SSH2: variants seen among roughly 807,000 people sequenced by gnomAD.
SSH2 encodes the protein protein phosphatase Slingshot homolog 2.
A neutral mutation model predicts 135.2 loss-of-function variants in SSH2; 37 were observed. The observed-to-expected ratio is 0.27, with a 90% confidence interval of 0.21 to 0.36. The LOEUF (loss-of-function observed/expected upper bound fraction) is 0.36. Ranked by LOEUF, SSH2 falls within the 10% of genes least tolerant of loss-of-function variation. The probability of loss-of-function intolerance (pLI) is 1.00; values close to 1 mark genes in which losing one functional copy is unlikely to be tolerated. For missense variants in SSH2, 1,408 were observed against 1,765.3 expected, an observed-to-expected ratio of 0.80 and a Z score of 3.63; for synonymous variants, 628 against 646.2, an observed-to-expected ratio of 0.97 and a Z score of 0.43.
At chr17:29,791,247 G>A (rs1490230802) in intron 3 of SSH2, among the ~76,000 whole-genome samples, 2 of 151,642 alleles carry the variant, frequency 1.3e-5, no homozygotes, top group African/African-American at 4.8e-5. Flanking sequence ...ACCACACCCG[G>A]CTAATTTTTT....
At chr17:29,864,392 T>G (rs1487352455) in intron 1 of SSH2, among the ~76,000 whole-genome samples, 1 of 151,806 alleles carries the variant, frequency 6.6e-6, no homozygotes, top group Non-Finnish European at 1.5e-5. Flanking sequence ...ACACTCCAAA[T>G]TCATATAAAT....
chr17:29,631,114 A>G lies in SSH2; in HGVS notation c.4080T>C (p.Ile1360=). The part of the protein sequence containing the change: ...FVEQLTTTEC[I]VQSKPVERPL... The stretch of plus-strand genomic sequence containing the variant: ...GCCTCTCCACTGGCTTGCTCTGCAC[A>G]ATACACTCTGTTGTTGTGAGTTGTT... The change falls in exon 16 of 16, where the codon ATT becomes ATC. Residue 1360 remains isoleucine (I), a synonymous_variant. Transcript: ENST00000540801. 6.2e-7 allele frequency: 1 copy of G among 1,614,192 alleles called. No individual in the cohort carries two copies. Among genetic ancestry groups the G allele is most frequent in the Non-Finnish European group, 8.5e-7 (1 of 1,180,032 alleles).
At chr17:29,761,034 G>A in intron 3 of SSH2, 2 of 1,102,230 alleles carry the variant, frequency 1.8e-6, no homozygotes, top group South Asian at 1.4e-5. Flanking sequence ...CAGGCAAGCA[G>A]GATGCGCGCT....
intron 13 of SSH2, among the ~76,000 whole-genome samples, chr17:29,649,763 TTA>T (rs2036519685): frequency 6.6e-6 from 1 of 152,160 alleles, no homozygotes. Context: ...ATGAATGGTA[TTA>T]TTACTGGGAA....
At chr17:29,880,178 G>A (rs1285543996) in intron 1 of SSH2, among the ~76,000 whole-genome samples, 1 of 152,190 alleles carries the variant, frequency 6.6e-6, no homozygotes, top group Non-Finnish European at 1.5e-5. Context: ...ATAAAGTGCA[G>A]TGACACAATC....
At chr17:29,697,863 C>T (rs556108965) in intron 4 of SSH2, among the ~76,000 whole-genome samples, 5 of 152,216 alleles carry the variant, frequency 3.3e-5, no homozygotes, top group Middle Eastern at 3.4e-3. Flanking sequence ...GAAATCAAAA[C>T]GTATGTCCAC....
chr17:29,745,170 T>C (rs933520778), intron 3 of SSH2, among the ~76,000 whole-genome samples: 5 of 152,000 alleles, frequency 3.3e-5, no homozygotes, highest in African/African-American at 9.7e-5. Flanking sequence ...TTTTCTTTTT[T>C]TTTTTTTGAA....
intron 3 of SSH2, among the ~76,000 whole-genome samples, chr17:29,771,340 T>C (rs1027989424): frequency 2.0e-5 from 3 of 152,224 alleles, no homozygotes; most frequent in Admixed American, 2.0e-4. Context: ...CCTAGCACAG[T>C]GCTATGCAGG....
chr17:29,785,867 C>T (rs1444944601), intron 3 of SSH2, among the ~76,000 whole-genome samples: 7 of 143,860 alleles, frequency 4.9e-5, no homozygotes, highest in East Asian at 4.1e-4. Flanking sequence ...TGCAGTGGCG[C>T]GATCTCGGCT....
At chr17:29,649,852 T>C (rs1272428583) in intron 13 of SSH2, among the ~76,000 whole-genome samples, 1 of 152,198 alleles carries the variant, frequency 6.6e-6, no homozygotes, top group Non-Finnish European at 1.5e-5. Flanking sequence ...GGCTCAAAGC[T>C]AGAGTATGAG....
intron 2 of SSH2, among the ~76,000 whole-genome samples, chr17:29,804,067 A>G (rs2042297866): frequency 6.6e-6 from 1 of 152,194 alleles, no homozygotes; most frequent in African/African-American, 2.4e-5. Context: ...ATCAAGATAT[A>G]TAGTATTGGC....
chr17:29,754,959 G>A (rs1427878569), intron 3 of SSH2, among the ~76,000 whole-genome samples: 1 of 152,130 alleles, frequency 6.6e-6, no homozygotes, highest in Non-Finnish European at 1.5e-5. Flanking sequence ...GCACCCAGCC[G>A]GGAATATTTT....
At chr17:29,642,341 G>A (rs1240751027) in intron 14 of SSH2, among the ~76,000 whole-genome samples, 1 of 152,042 alleles carries the variant, frequency 6.6e-6, no homozygotes, top group Non-Finnish European at 1.5e-5. Context: ...AGGAAACATG[G>A]CACAGACTCT....
At chr17:29,757,425 G>T (rs2041161769) in intron 3 of SSH2, among the ~76,000 whole-genome samples, 1 of 152,128 alleles carries the variant, frequency 6.6e-6, no homozygotes, top group Non-Finnish European at 1.5e-5. Context: ...GGTGCTAACA[G>T]TGGATATATT....
At chr17:29,678,766 G>A (rs2037839697) in intron 6 of SSH2, among the ~76,000 whole-genome samples, 1 of 146,188 alleles carries the variant, frequency 6.8e-6, no homozygotes, top group African/African-American at 2.6e-5. Flanking sequence ...CCAGGCTGGA[G>A]GACAGTGGCA....
intron 14 of SSH2, chr17:29,644,715 G>A (rs1340148326): frequency 6.6e-6 from 1 of 152,180 alleles, no homozygotes; most frequent in Non-Finnish European, 1.5e-5. Context: ...GCTGAGGCAG[G>A]AGAATCCAGA....
chr17:29,708,934 A>G (rs1476444232), intron 3 of SSH2, among the ~76,000 whole-genome samples: 1 of 147,938 alleles, frequency 6.8e-6, no homozygotes, highest in African/African-American at 2.5e-5. Flanking sequence ...AAAAACATCT[A>G]TGCTTCTCTT....
At position 29,709,015 on chromosome 17, in the gene SSH2, T is replaced by TATATATATATAGAG. The variant is rs780981175; in HGVS notation, c.189-5954_189-5953insCTCTATATATATAT. ...AGAAATATATATATATATATATATATAGAGAGAGAGAGAGAGAGAGAGAGA... is the reference window on the plus strand; with the variant it reads ...AGAAATATATATATATATATATATATATATATATATAGAGAGAGAGAGAGAGAGAGAGAGAGAGA... On this transcript the variant is annotated intron_variant, in intron 3 of 15. Transcript: ENST00000540801. Among the ~76,000 whole-genome samples the TATATATATATAGAG allele has an allele frequency of 3.3e-3, 272 of 81,568 alleles. 1 individual carries two copies. Among genetic ancestry groups the TATATATATATAGAG allele is most frequent in the Non-Finnish European group, 5.1e-3 (209 of 40,696 alleles). 53.5% of individuals were successfully genotyped at this position (81,568 alleles called of 152,430 possible).
intron 3 of SSH2, among the ~76,000 whole-genome samples, chr17:29,782,483 C>T (rs2041860686): frequency 6.6e-6 from 1 of 152,170 alleles, no homozygotes. Context: ...TACTGCCAGA[C>T]TCCTTCTGGA....
Sources: gnomAD v4.1 joint callset for allele counts (sites outside exome capture counted in the v4.1 genomes callset) on GRCh38, gnomAD v4.1.1 for gene constraint, MANE v1.5 for transcripts, NCBI Gene and HGNC (gene_info 2026-07-23, HGNC 2026-07-21) for gene names.